Variants in TMEM184B observed in about 807,000 individuals in gnomAD.
The protein encoded by TMEM184B is transmembrane protein 184B.
In TMEM184B, 17 loss-of-function variants were observed where a neutral mutation model predicts 41.8. The observed-to-expected ratio is 0.41, with a 90% CI of 0.28 to 0.61. The LOEUF (loss-of-function observed/expected upper bound fraction) is 0.61. TMEM184B is among the 20% of genes least tolerant of loss of function. The probability of loss-of-function intolerance (pLI) is 0.34; values close to 1 mark genes in which losing one functional copy is unlikely to be tolerated. For synonymous variants in TMEM184B, 240 were observed against 229.5 expected (o/e 1.05, Z -0.41); for missense variants, 393 against 557.8 (o/e 0.70, Z 2.98).
In TMEM184B at chr22:38,226,724, C is replaced by T. The variant is rs1671247395; in HGVS notation, c.617+55G>A. The T allele has an allele frequency of 6.6e-7, 1 of 1,525,516 alleles. No homozygotes were observed. Among genetic ancestry groups the T allele is most frequent in the African/African-American group, 1.4e-5 (1 of 72,790 alleles). The allele number at this position is 1,525,516 out of a possible 1,614,324, so 94.5% of individuals were successfully genotyped here. On this transcript the variant is annotated intron_variant, in intron 6 of 8. Transcript: ENST00000361906. The surrounding 1 kb of genome is among the most constrained non-coding windows in gnomAD (Gnocchi z 4.6). ...GGCTGCCCCCTTCCCTGAGCCAAGG[C>T]ACCAGCCTGCGCCAACACTCCTCCC...
Position 38,221,149 on chromosome 22 carries a change from A to C in TMEM184B, c.*320T>G. On this transcript the variant is annotated 3_prime_UTR_variant, in exon 9 of 9. Transcript: ENST00000361906. Reference sequence around the variant, plus strand: ...GGCTGCAGCCGCTGGTCCACACACAAGCATTGGGGCCTGGGTGCGGCTGGT... The same window carrying C: ...GGCTGCAGCCGCTGGTCCACACACACGCATTGGGGCCTGGGTGCGGCTGGT... 8.5e-7 allele frequency: 1 copy of C among 1,181,686 alleles called. No individual in the cohort carries two copies. Among genetic ancestry groups the C allele is most frequent in the Non-Finnish European group, 1.1e-6 (1 of 952,170 alleles). The allele number at this position is 1,181,686 out of a possible 1,614,324, so 73.2% of individuals were successfully genotyped here. A position where few individuals can be genotyped will look rare whatever the true frequency, so the allele number is the denominator to read the frequency against.
At chr22:38,248,330 C>T (rs965021876) in intron 1 of TMEM184B, among the ~76,000 whole-genome samples, 26 of 152,196 alleles carry the variant, frequency 1.7e-4, no homozygotes, top group East Asian at 3.8e-4. Context: ...AACCATAGTC[C>T]GTACCCAAGG....
Position 38,246,076 on chromosome 22 carries a change from T to G in TMEM184B, c.217A>C (p.Ser73Arg). The G allele has an allele frequency of 6.2e-7, 1 of 1,612,106 alleles. No homozygotes were observed. Among genetic ancestry groups the G allele is most frequent in the South Asian group, 1.1e-5 (1 of 91,072 alleles). Residue 73 changes from serine to arginine, a missense_variant, in exon 3 of 9, where the codon AGC becomes CGC. By Grantham distance (110) the Ser-to-Arg change is moderately radical. Coordinates refer to ENST00000361906, the MANE Select transcript of TMEM184B (RefSeq NM_012264.5). ...ATGTAGCGCTGCTCGTTGGGGCAGC[T>G]GTAGCAGCGCAGGTGCATGTAGATC... ...HQIYMHLRCYSCPNEQRYIVR... is the reference protein window; with the variant it reads ...HQIYMHLRCYRCPNEQRYIVR...
At chr22:38,218,677 C>T (rs1203417875), downstream of TMEM184B, among the ~76,000 whole-genome samples, 1 of 152,206 alleles carries the variant, frequency 6.6e-6, no homozygotes, top group Non-Finnish European at 1.5e-5. Context: ...CTGCCAAGCC[C>T]ATGACCCTGA....
intron 5 of TMEM184B, among the ~76,000 whole-genome samples, chr22:38,229,271 G>A (rs1306464096): frequency 2.0e-5 from 3 of 152,226 alleles, no homozygotes; most frequent in Non-Finnish European, 4.4e-5. Flanking sequence ...GGAGACTAAC[G>A]CAAGGTCATG....
At position 38,272,968 on chromosome 22, in the gene TMEM184B, C is replaced by T. The variant is rs868799980; in HGVS notation, c.-143G>A. The T allele has an allele frequency of 4.8e-4, 137 of 283,154 alleles. 1 individual carries two copies. The Middle Eastern group carries it at 7.2e-3, about 15-fold the overall frequency. 17.5% of individuals were successfully genotyped at this position (283,154 alleles called of 1,614,324 possible). A position where few individuals can be genotyped will look rare whatever the true frequency, so the allele number is the denominator to read the frequency against. On this transcript the variant is annotated 5_prime_UTR_variant, in exon 1 of 9. Transcript: ENST00000361906. ...GGCGGGGCGGGCGGCGCCGCAGCCC[C>T]GGAGTCTCCGCCGCCGCCGGCGCGT... is the stretch of plus-strand genomic sequence containing the variant.
chr22:38,244,824 T>C (rs144474910), intron 3 of TMEM184B, among the ~76,000 whole-genome samples: 1,662 of 152,296 alleles, frequency 0.011, 33 homozygotes, highest in African/African-American at 0.038. Context: ...ACCTGGGCAT[T>C]GCTGGCCTCT....
At chr22:38,222,912 C>T (rs1273346180) in intron 8 of TMEM184B, 1 of 154,164 alleles carries the variant, frequency 6.5e-6, no homozygotes, top group African/African-American at 2.4e-5. Flanking sequence ...GGTGTTCACG[C>T]CAACAGGAAA....
chr22:38,228,702 G>A (rs529793176), intron 5 of TMEM184B, among the ~76,000 whole-genome samples: 5 of 152,294 alleles, frequency 3.3e-5, no homozygotes, highest in African/African-American at 1.2e-4. Flanking sequence ...GGACAAAGCT[G>A]TGGGGTGTGC....
chr22:38,271,086 C>G (rs1037411946), intron 1 of TMEM184B, among the ~76,000 whole-genome samples: 2 of 152,176 alleles, frequency 1.3e-5, no homozygotes, highest in Non-Finnish European at 2.9e-5. Context: ...ATAAGACATC[C>G]AGAATCCCAA....
rs1161186306 is a variant in TMEM184B at position 38,272,280 on chromosome 22, T to C, written c.-59+604A>G. On this transcript the variant is annotated intron_variant, in intron 1 of 8. Transcript: ENST00000361906. ...GTGTGCCCAGGAGGAAATGTACAAT[T>C]CACGGGAAGGATACAGACACCCAAA... 3.3e-5 allele frequency among the ~76,000 whole-genome samples: 5 copies of C among 152,198 alleles called. No individual in the cohort carries two copies. In the East Asian group the frequency reaches 9.7e-4, roughly 30 times the overall value.
chr22:38,242,864 C>G (rs1407977670), intron 3 of TMEM184B, among the ~76,000 whole-genome samples: 2 of 152,120 alleles, frequency 1.3e-5, no homozygotes, highest in African/African-American at 4.8e-5. Context: ...GAGATCAAGA[C>G]CATCCTGGCC....
intron 2 of TMEM184B, among the ~76,000 whole-genome samples, chr22:38,247,241 G>A (rs2092052920): frequency 6.6e-6 from 1 of 152,240 alleles, no homozygotes; most frequent in Non-Finnish European, 1.5e-5. Flanking sequence ...TGCTCCTGCA[G>A]TTCTAGGCTC....
chr22:38,237,380 C>A (rs1376045520), intron 3 of TMEM184B, among the ~76,000 whole-genome samples: 1 of 152,244 alleles, frequency 6.6e-6, no homozygotes, highest in Non-Finnish European at 1.5e-5. Context: ...CTTCAATACA[C>A]ACTCGCTGTG....
intron 8 of TMEM184B, chr22:38,224,058 A>C (rs1319135540): frequency 1.3e-5 from 2 of 152,368 alleles, no homozygotes; most frequent in East Asian, 3.9e-4. Flanking sequence ...CAGGTGTAAA[A>C]GAAAGCTGTT....
At chr22:38,258,889 A>G (rs1453432750) in intron 1 of TMEM184B, among the ~76,000 whole-genome samples, 1 of 152,156 alleles carries the variant, frequency 6.6e-6, no homozygotes, top group Non-Finnish European at 1.5e-5. Flanking sequence ...GTCTTCCAGA[A>G]CTGTAGGGAG....
At chr22:38,240,370 G>A (rs1379251030) in intron 3 of TMEM184B, among the ~76,000 whole-genome samples, 14 of 151,794 alleles carry the variant, frequency 9.2e-5, no homozygotes. Context: ...CAACAGAAAA[G>A]CTCAAAGGTA....
At chr22:38,244,080 T>A (rs1192948886) in intron 3 of TMEM184B, among the ~76,000 whole-genome samples, 1 of 151,944 alleles carries the variant, frequency 6.6e-6, no homozygotes, top group East Asian at 1.9e-4. Context: ...GTGGCCGCAG[T>A]TGGGGGTGGG....
chr22:38,236,329 A>G (rs146450237), intron 3 of TMEM184B, among the ~76,000 whole-genome samples: 92 of 152,258 alleles, frequency 6.0e-4, no homozygotes, highest in African/African-American at 2.2e-3. Context: ...GGATGAACAC[A>G]AAACAAGGAC....
Sources: gnomAD v4.1 joint callset for allele counts (sites outside exome capture counted in the v4.1 genomes callset) on GRCh38, gnomAD v4.1.1 for gene constraint, Gnocchi (gnomAD v3.1) non-coding constraint, MANE v1.5 for transcripts, NCBI Gene and HGNC (gene_info 2026-07-23, HGNC 2026-07-21) for gene names.